CFAP91: variants seen among roughly 807,000 people sequenced by gnomAD.
CFAP91 encodes cilia- and flagella-associated protein 91.
Under a neutral mutation model 95.9 loss-of-function variants are expected in CFAP91, and 85 were observed. The ratio of observed to expected loss-of-function variants is 0.89; its 90% CI spans 0.74 to 1.06. The LOEUF (loss-of-function observed/expected upper bound fraction) is 1.06, where lower values mean the gene tolerates loss of function less well. Ranked by LOEUF, CFAP91 falls within the 50% of genes least tolerant of loss-of-function variation. The pLI is 0.00. For missense variants in CFAP91, 962 were observed against 943.4 expected (o/e 1.02, Z -0.26); for synonymous variants, 335 against 327.5 (o/e 1.02, Z -0.25).
At chr3:119,742,610 A>C (rs2054142892) in intron 13 of CFAP91, among the ~76,000 whole-genome samples, 1 of 152,248 alleles carries the variant, frequency 6.6e-6, no homozygotes, top group Non-Finnish European at 1.5e-5. Context: ...GAGAGAATCT[A>C]TTTGTGATCT....
chr3:119,704,189 C>T (rs1218522985), intron 1 of CFAP91, among the ~76,000 whole-genome samples: 1 of 151,584 alleles, frequency 6.6e-6, no homozygotes, highest in Non-Finnish European at 1.5e-5. Flanking sequence ...TTTTTTTTCA[C>T]GGGTAATTTG....
In CFAP91 at chr3:119,726,271, C is replaced by T; in HGVS notation, c.783C>T (p.Ser261=). The T allele has an allele frequency of 1.2e-6, 2 of 1,613,792 alleles. No homozygotes were observed. The highest frequency in any genetic ancestry group is 1.7e-6 in the Non-Finnish European group (2 of 1,179,896). ...CTCTCCCCGCTCTGAGTGACACCTC[C>T]CAGTTTGAGAAGAGGAGGAAAATGA... ...EASLPALSDT[S]QFEKRRKMMN... Residue 261 remains serine (S), a synonymous_variant, in exon 7 of 18, where the codon TCC becomes TCT. Coordinates refer to ENST00000273390, the MANE Select transcript of CFAP91 (RefSeq NM_033364.4).
intron 8 of CFAP91, among the ~76,000 whole-genome samples, chr3:119,732,093 C>T (rs925606022): frequency 6.6e-6 from 1 of 152,212 alleles, no homozygotes; most frequent in Non-Finnish European, 1.5e-5. Context: ...TTCTGTCACT[C>T]CTGCCTGTCT....
In CFAP91 at chr3:119,704,727, C is replaced by T. The variant is rs115474892; in HGVS notation, c.124+1505C>T. Among the ~76,000 whole-genome samples, 156 of 152,228 alleles carry T rather than the reference C, an allele frequency of 1.0e-3. 2 individuals are homozygous for T. The highest frequency in any genetic ancestry group is 3.6e-3 in the African/African-American group (149 of 41,540). ...AATCAAGCCCCAAGTAATGATATTT[C>T]GGTCAACAGTGGACTACATGTATAA... On this transcript the variant is annotated intron_variant, in intron 1 of 17. Transcript: ENST00000273390.
intron 17 of CFAP91, among the ~76,000 whole-genome samples, chr3:119,753,469 C>G (rs181843025): frequency 1.8e-4 from 27 of 152,244 alleles, no homozygotes; most frequent in Admixed American, 1.8e-3. Flanking sequence ...CTTCAAGGAA[C>G]CTGCCAGAAA....
rs201703483 is a variant in CFAP91, at chr3:119,715,559, T to C, written c.501-3T>C. 150 of 1,613,336 alleles carry C rather than the reference T, an allele frequency of 9.3e-5. No individual in the cohort carries two copies. Among genetic ancestry groups the C allele is most frequent in the Non-Finnish European group, 1.2e-4 (147 of 1,179,592 alleles). ...AATTTTTAAACTGATTTTTCTCTTT[T>C]AGGGCAGAACCATACACTTTTCCTC... is the stretch of plus-strand genomic sequence containing the variant. On this transcript the variant is annotated splice_region_variant and splice_polypyrimidine_tract_variant and intron_variant, in intron 5 of 17. Transcript: ENST00000273390.
intron 5 of CFAP91, among the ~76,000 whole-genome samples, chr3:119,714,513 T>C (rs2053539623): frequency 6.6e-6 from 1 of 152,238 alleles, no homozygotes; most frequent in African/African-American, 2.4e-5. Context: ...TTTCAGTCTT[T>C]TAAATCTTTG....
chr3:119,721,899 G>T (rs1366861601), intron 6 of CFAP91, among the ~76,000 whole-genome samples: 2 of 152,136 alleles, frequency 1.3e-5, no homozygotes, highest in Non-Finnish European at 2.9e-5. Flanking sequence ...GTTGAGGCCA[G>T]GTGCAGTGGC....
At chr3:119,704,147 T>C (rs2053313856) in intron 1 of CFAP91, among the ~76,000 whole-genome samples, 1 of 152,176 alleles carries the variant, frequency 6.6e-6, no homozygotes, top group Non-Finnish European at 1.5e-5. Flanking sequence ...GTGAAATAAA[T>C]CAAGTTAGCT....
chr3:119,703,819 G>A (rs2053308084), intron 1 of CFAP91, among the ~76,000 whole-genome samples: 1 of 151,984 alleles, frequency 6.6e-6, no homozygotes, highest in South Asian at 2.1e-4. Context: ...TTAAGTTCCT[G>A]TTCTACACAT....
Position 119,708,647 on chromosome 3 carries a change from G to C in CFAP91, c.416G>C (p.Gly139Ala), listed in dbSNP as rs2053418689. ...GTTTATGAAGATCCTGAAGTTACTG[G>C]AAAGAATCGCTATAAATACTTTGAA... ...KEVYEDPEVT[G>A]KNRYKYFERP... The change falls in exon 4 of 18, where the codon GGA becomes GCA. Residue 139 changes from glycine to alanine, a missense_variant. Transcript: ENST00000273390. 1.2e-6 allele frequency: 2 copies of C among 1,602,468 alleles called. No homozygotes were observed. Among genetic ancestry groups the C allele is most frequent in the South Asian group, 2.2e-5 (2 of 89,312 alleles).
In CFAP91 at chr3:119,765,512, G is replaced by A. The variant is rs2054612031; in HGVS notation, c.*462G>A. 1 of 152,172 alleles carries A rather than the reference G, an allele frequency of 6.6e-6. No individual in the cohort carries two copies. Among genetic ancestry groups the A allele is most frequent in the Non-Finnish European group, 1.5e-5 (1 of 68,028 alleles). 9.4% of individuals were successfully genotyped at this position (152,172 alleles called of 1,614,324 possible). On this transcript the variant is annotated 3_prime_UTR_variant, in exon 18 of 18. Transcript: ENST00000273390. ...CATGAGTATGTGCACCAACAGGCAT[G>A]ACAAAAATATTTATAGTAGTGGTGT...
At chr3:119,729,030 G>A (rs2053841241) in intron 7 of CFAP91, among the ~76,000 whole-genome samples, 1 of 152,164 alleles carries the variant, frequency 6.6e-6, no homozygotes, top group Admixed American at 6.6e-5. Flanking sequence ...AAATGAATAA[G>A]TGAATAAATT....
chr3:119,755,788 A>C (rs2054415674), intron 17 of CFAP91, among the ~76,000 whole-genome samples: 1 of 152,262 alleles, frequency 6.6e-6, no homozygotes, highest in Admixed American at 6.5e-5. Context: ...ATGATATAGC[A>C]GATTTGAAGA....
rs114791110 is a variant in CFAP91, at chr3:119,742,821, G to A, written c.1681-1154G>A. 6.0e-3 allele frequency among the ~76,000 whole-genome samples: 917 copies of A among 152,266 alleles called. 11 individuals are homozygous for A. The highest frequency in any genetic ancestry group is 0.02 in the African/African-American group (834 of 41,538). On this transcript the variant is annotated intron_variant, in intron 13 of 17. Transcript: ENST00000273390. ...CACTTGACTGATGCTTTTACCCATA[G>A]CCCCATGGCCTCTGAGAACTGAGTA...
At chr3:119,704,165 ACACATCAC>A (rs1162579020) in intron 1 of CFAP91, among the ~76,000 whole-genome samples, 2 of 152,178 alleles carry the variant, frequency 1.3e-5, no homozygotes, top group Non-Finnish European at 2.9e-5. Context: ...GCTCCTGTAA[ACACATCAC>A]CATGTTTTTT....
At chr3:119,757,841 A>G (rs2054462572) in intron 17 of CFAP91, among the ~76,000 whole-genome samples, 1 of 152,134 alleles carries the variant, frequency 6.6e-6, no homozygotes, top group Admixed American at 6.6e-5. Context: ...TGGGGTACAG[A>G]GGAGCCCCCA....
chr3:119,724,464 T>G (rs1344800081), intron 6 of CFAP91, among the ~76,000 whole-genome samples: 1 of 152,156 alleles, frequency 6.6e-6, no homozygotes, highest in African/African-American at 2.4e-5. Flanking sequence ...GGTATGATTT[T>G]CATAGTTATT....
chr3:119,747,351 C>A (rs2054241741), intron 15 of CFAP91, 88 bp downstream of exon 15: 26 of 1,404,496 alleles, frequency 1.9e-5, no homozygotes, highest in Non-Finnish European at 2.5e-5. Context: ...ATTTCACCAC[C>A]AAGTAGAAAC....
Sources: gnomAD v4.1 joint callset for allele counts (sites outside exome capture counted in the v4.1 genomes callset) on GRCh38, gnomAD v4.1.1 for gene constraint, MANE v1.5 for transcripts, NCBI Gene and HGNC (gene_info 2026-07-23, HGNC 2026-07-21) for gene names.